NUTM2G: variants seen among roughly 807,000 people sequenced by gnomAD.
The protein encoded by NUTM2G is family with sequence similarity 22, member G.
A neutral mutation model predicts 44.3 loss-of-function variants in NUTM2G; 29 were observed. The observed-to-expected ratio is 0.66, with a 90% CI of 0.49 to 0.89. The LOEUF is 0.89. Ranked by LOEUF, NUTM2G falls within the 40% of genes least tolerant of loss-of-function variation. The pLI, the probability that NUTM2G is intolerant of heterozygous loss-of-function variation, is 0.00. For missense variants in NUTM2G, 502 were observed against 946.5 expected, an observed-to-expected ratio of 0.53 and a Z score of 6.16; for synonymous variants, 205 against 395.9, an observed-to-expected ratio of 0.52 and a Z score of 5.72.
At position 96,937,002 on chromosome 9, in the gene NUTM2G, T is replaced by C. The variant is rs1279618417; in HGVS notation, c.983-62T>C. The C allele has an allele frequency of 7.1e-6, 10 of 1,413,610 alleles. No homozygotes were observed. In the South Asian group the frequency reaches 1.0e-4, roughly 14 times the overall value. 87.6% of individuals were successfully genotyped at this position (1,413,610 alleles called of 1,614,324 possible). On this transcript the variant is annotated intron_variant, in intron 4 of 6. Coordinates refer to ENST00000372322, the MANE Select transcript of NUTM2G (RefSeq NM_001170741.3). The stretch of plus-strand genomic sequence containing the variant: ...CACATCCCCAAGCCCTGCCCTCCCC[T>C]GTGTGGTGCAGGCAGGAGGAGCGGC...
At chr9:96,932,978 C>CTTTTCTT (rs1554694902) in intron 2 of NUTM2G, among the ~76,000 whole-genome samples, 1 of 129,430 alleles carries the variant, frequency 7.7e-6, no homozygotes, top group African/African-American at 2.9e-5. Flanking sequence ...CTTTTCTTTT[C>CTTTTCTT]TTTTTTTTTT....
chr9:96,935,342 C>G lies in NUTM2G; in HGVS notation c.728C>G (p.Ser243Cys). The G allele has an allele frequency of 6.2e-7, 1 of 1,612,006 alleles. No homozygotes were observed. Among genetic ancestry groups the G allele is most frequent in the Admixed American group, 1.7e-5 (1 of 60,014 alleles). ...LSCFLIPVLR[S>C]LARRKPTMTL... ...CTGGTTTACAGCCCAGTTCTCCGATCCCTGGCCCGGCGGAAGCCCACCATG... is the reference window on the plus strand; with the variant it reads ...CTGGTTTACAGCCCAGTTCTCCGATGCCTGGCCCGGCGGAAGCCCACCATG... The change falls in exon 3 of 7, where the codon TCC becomes TGC. Residue 243 changes from serine to cysteine, a missense_variant. By Grantham distance (112) the Ser-to-Cys change is moderately radical. Transcript: ENST00000372322.
Position 96,936,448 on chromosome 9 carries a change from A to G in NUTM2G, c.866A>G (p.Glu289Gly). ...AAKFLEFEAE[E>G]EMQIQKSQWM... ...AGGTTCCTGGAGTTTGAGGCTGAGG[A>G]GGAGATGCAGATTCAGAAATCGCAG... The change falls in exon 4 of 7, where the codon GAG (glutamate) becomes GGG (glycine). Residue 289 changes from glutamate (E) to glycine (G), a missense_variant. Transcript: ENST00000372322. 3 of 1,578,362 alleles carry G rather than the reference A, an allele frequency of 1.9e-6. No individual in the cohort carries two copies. The highest frequency in any genetic ancestry group is 2.6e-6 in the Non-Finnish European group (3 of 1,170,504).
downstream of NUTM2G, among the ~76,000 whole-genome samples, chr9:96,941,514 CAG>C (rs1313311798): frequency 6.0e-5 from 9 of 149,090 alleles, no homozygotes; most frequent in Non-Finnish European, 1.0e-4. Flanking sequence ...TGGTAAGAAG[CAG>C]AGATCCCAGC....
intron 2 of NUTM2G, among the ~76,000 whole-genome samples, chr9:96,934,446 G>A (rs1473496203): frequency 6.6e-6 from 1 of 151,812 alleles, no homozygotes; most frequent in Non-Finnish European, 1.5e-5. Context: ...CGGTGCACTG[G>A]GGACCCTGAT....
Position 96,937,164 on chromosome 9 carries a change from C to G in NUTM2G, c.1083C>G (p.Pro361=), listed in dbSNP as rs1394821175. 1 of 1,612,298 alleles carries G rather than the reference C, an allele frequency of 6.2e-7. No individual in the cohort carries two copies. Among genetic ancestry groups the G allele is most frequent in the African/African-American group, 1.3e-5 (1 of 74,882 alleles). ...AGACCAAGGCCCACCTGCCACCACCCAGGCCCCCGAGGCCAGCAGAGACCA... is the reference window on the plus strand; with the variant it reads ...AGACCAAGGCCCACCTGCCACCACCGAGGCCCCCGAGGCCAGCAGAGACCA... ...PAETKAHLPP[P]RPPRPAETKV... is the part of the protein sequence containing the mutation. Residue 361 remains proline (P), a synonymous_variant, in exon 5 of 7, where the codon CCC becomes CCG. Transcript: ENST00000372322.
chr9:96,929,503 G>T (rs1204328161), intron 1 of NUTM2G, among the ~76,000 whole-genome samples: 1 of 151,796 alleles, frequency 6.6e-6, no homozygotes, highest in Non-Finnish European at 1.5e-5. Flanking sequence ...GTCTCAGCCA[G>T]AAAACTGTTG....
chr9:96,931,831 C>A lies in NUTM2G; in HGVS notation c.126C>A (p.Pro42=). 1 of 1,612,350 alleles carries A rather than the reference C, an allele frequency of 6.2e-7. No individual in the cohort carries two copies. The highest frequency in any genetic ancestry group is 8.5e-7 in the Non-Finnish European group (1 of 1,179,864). ...CTCCCGGCCCAACACACAGGCCGCC[C>A]CTCGTGACTGCAGTGGTTCCTCCAG... is the stretch of plus-strand genomic sequence containing the variant. ...TPSPGPTHRP[P]LVTAVVPPAG... is the part of the protein sequence containing the mutation. The change falls in exon 2 of 7, where the codon CCC becomes CCA. Residue 42 remains proline (P), a synonymous_variant. Transcript: ENST00000372322.
Position 96,937,065 on chromosome 9 carries a change from G to C in NUTM2G, c.984G>C (p.Val328=), listed in dbSNP as rs750307487. ...PPAPEVVKQP[V]YLPSKDGPKA... is the part of the protein sequence containing the mutation. ...CATCCTCCTCCCTCTCTGCCTCAGT[G>C]TACCTTCCCAGCAAGGATGGCCCCA... Residue 328 remains valine (V), a splice_region_variant and synonymous_variant, in exon 5 of 7, where the codon GTG becomes GTC. Coordinates refer to ENST00000372322, the MANE Select transcript of NUTM2G (RefSeq NM_001170741.3). 2.1e-5 allele frequency: 33 copies of C among 1,604,862 alleles called. 1 individual carries two copies. Among genetic ancestry groups the C allele is most frequent in the South Asian group, 6.6e-5 (6 of 90,614 alleles).
downstream of NUTM2G, among the ~76,000 whole-genome samples, chr9:96,940,962 TG>T (rs1462723333): frequency 6.6e-6 from 1 of 151,458 alleles, no homozygotes; most frequent in Non-Finnish European, 1.5e-5. Context: ...GGGGAAAATG[TG>T]GGGAGTGAAG....
intron 2 of NUTM2G, among the ~76,000 whole-genome samples, chr9:96,932,677 A>T (rs994901454): frequency 1.4e-5 from 2 of 141,476 alleles, no homozygotes; most frequent in African/African-American, 5.3e-5. Flanking sequence ...TTTGAGATGG[A>T]CTTTCACTCT....
chr9:96,937,682 C>G (rs2119042301), intron 5 of NUTM2G, among the ~76,000 whole-genome samples: 2 of 149,822 alleles, frequency 1.3e-5, no homozygotes, highest in South Asian at 4.2e-4. Context: ...GTCTGTGTGT[C>G]TGTGTGTGGT....
At chr9:96,941,317 GC>G (rs1826586581), downstream of NUTM2G, among the ~76,000 whole-genome samples, 1 of 148,162 alleles carries the variant, frequency 6.7e-6, no homozygotes. Flanking sequence ...CCTACAATCT[GC>G]CCCTAAATGG....
intron 5 of NUTM2G, 50 bp from the exon 6 acceptor site, chr9:96,937,835 C>A: frequency 6.2e-7 from 1 of 1,600,742 alleles, no homozygotes; most frequent in East Asian, 2.2e-5. Context: ...TCCTTGGCTC[C>A]AGGTTACTCC....
chr9:96,938,607 G>C lies in NUTM2G; in HGVS notation c.1684G>C (p.Val562Leu). 5 of 1,605,850 alleles carry C rather than the reference G, an allele frequency of 3.1e-6. No individual in the cohort carries two copies. Among genetic ancestry groups the C allele is most frequent in the Non-Finnish European group, 4.2e-6 (5 of 1,179,538 alleles). ...CATGGCCAGGTCCGAAGACCCTGCT[G>C]TGCTTTTGGGATGTCAGGACTCCCC... ...TGMARSEDPA[V>L]LLGCQDSPRL... Residue 562 changes from valine (V) to leucine (L), a missense_variant, in exon 7 of 7, where the codon GTG becomes CTG. Coordinates refer to ENST00000372322, the MANE Select transcript of NUTM2G (RefSeq NM_001170741.3).
intron 5 of NUTM2G, among the ~76,000 whole-genome samples, chr9:96,937,608 G>C (rs984843134): frequency 6.6e-6 from 1 of 152,080 alleles, no homozygotes; most frequent in Non-Finnish European, 1.5e-5. Flanking sequence ...TGTCTGTGTG[G>C]GTGTGGGTGT....
chr9:96,941,532 CTCTCTCT>C, downstream of NUTM2G, among the ~76,000 whole-genome samples: 1 of 146,442 alleles, frequency 6.8e-6, no homozygotes, highest in South Asian at 2.2e-4. Flanking sequence ...CCAGCACTCT[CTCTCTCT>C]CCCTGACATG....
intron 6 of NUTM2G, 99 bp downstream of exon 6, chr9:96,938,100 G>A (rs1420080314): frequency 6.1e-6 from 9 of 1,472,020 alleles, no homozygotes; most frequent in African/African-American, 1.4e-5. Flanking sequence ...TGCTGGGGAT[G>A]TTCAGCTTCT....
chr9:96,936,651 T>G (rs574866578), intron 4 of NUTM2G, 87 bp downstream of exon 4: 1 of 1,496,638 alleles, frequency 6.7e-7, no homozygotes, highest in Non-Finnish European at 8.9e-7. Flanking sequence ...ATGCTTCCCT[T>G]CAAGAGGGGG....
Sources: gnomAD v4.1 joint callset for allele counts (sites outside exome capture counted in the v4.1 genomes callset) on GRCh38, gnomAD v4.1.1 for gene constraint, MANE v1.5 for transcripts, NCBI Gene and HGNC (gene_info 2026-07-23, HGNC 2026-07-21) for gene names.